Variants in ZNF131 observed in about 807,000 individuals in gnomAD.
ZNF131 encodes zinc finger and BTB domain containing 35.
In ZNF131, 7 loss-of-function variants were observed where a neutral mutation model predicts 60.0. The ratio of observed to expected loss-of-function variants is 0.12; its 90% CI spans 0.07 to 0.22. The LOEUF (loss-of-function observed/expected upper bound fraction) is 0.22. Ranked by LOEUF, ZNF131 falls within the 10% of genes least tolerant of loss-of-function variation. The pLI is 1.00. For synonymous variants in ZNF131, 257 were observed against 253.2 expected, an observed-to-expected ratio of 1.01 and a Z score of -0.14; for missense variants, 493 against 740.9, an observed-to-expected ratio of 0.67 and a Z score of 3.88.
intron 3 of ZNF131, chr5:43,123,800 T>C (rs1744168323): frequency 6.6e-6 from 1 of 152,486 alleles, no homozygotes; most frequent in Admixed American, 6.5e-5. Flanking sequence ...AAAAATGAAC[T>C]GAAGTAGCAT....
At chr5:43,162,083 T>G (rs1749753139) in intron 5 of ZNF131, 152 bp downstream of exon 5, 2 of 694,948 alleles carry the variant, frequency 2.9e-6, no homozygotes, top group Admixed American at 7.2e-5. Context: ...TAGTATTACC[T>G]GTTCAAATAT....
At chr5:43,122,246 C>CTTTTTTTT in intron 2 of ZNF131, 69 bp downstream of exon 2, 3 of 1,031,808 alleles carry the variant, frequency 2.9e-6, no homozygotes, top group Middle Eastern at 3.4e-4. Context: ...GGACACCCGC[C>CTTTTTTTT]TTTTTTTTTT....
intron 4 of ZNF131, among the ~76,000 whole-genome samples, chr5:43,147,409 T>TTTTA (rs145929026): frequency 0.062 from 9,338 of 151,058 alleles, 585 homozygotes; most frequent in African/African-American, 0.16. Flanking sequence ...TTTTATTTTA[T>TTTTA]TTTATTTATT....
intron 4 of ZNF131, among the ~76,000 whole-genome samples, chr5:43,150,437 A>C (rs1326598333): frequency 6.6e-6 from 1 of 152,154 alleles, no homozygotes; most frequent in Non-Finnish European, 1.5e-5. Context: ...CCTGGCTGGT[A>C]CTGAATTTTC....
chr5:43,158,359 G>A (rs765956373), intron 4 of ZNF131, among the ~76,000 whole-genome samples: 3 of 151,980 alleles, frequency 2.0e-5, no homozygotes, highest in Non-Finnish European at 2.9e-5. Flanking sequence ...GCACGATCTC[G>A]GTTCACCACA....
At chr5:43,168,527 G>GT (rs906990969) in intron 5 of ZNF131, among the ~76,000 whole-genome samples, 1 of 152,202 alleles carries the variant, frequency 6.6e-6, no homozygotes, top group Non-Finnish European at 1.5e-5. Context: ...CTAGAGTGGA[G>GT]TAAGGGTAAG....
chr5:43,170,141 A>G (rs183288748), intron 5 of ZNF131, among the ~76,000 whole-genome samples: 1 of 151,978 alleles, frequency 6.6e-6, no homozygotes, highest in Non-Finnish European at 1.5e-5. Context: ...CTCACTGATA[A>G]TGAAAAATTA....
At chr5:43,154,722 G>A (rs1748750930) in intron 4 of ZNF131, among the ~76,000 whole-genome samples, 1 of 152,244 alleles carries the variant, frequency 6.6e-6, no homozygotes, top group Non-Finnish European at 1.5e-5. Flanking sequence ...AATCTGGGCA[G>A]TGCAGGCTTG....
intron 1 of ZNF131, 128 bp downstream of exon 1, chr5:43,121,251 G>T (rs1743756047): frequency 6.5e-6 from 1 of 152,758 alleles, no homozygotes; most frequent in Non-Finnish European, 1.5e-5. Flanking sequence ...GGAAGTGTCC[G>T]CCCCTGGAGT....
In ZNF131 at chr5:43,175,240, A is replaced by G; in HGVS notation, c.*107A>G. 8.6e-7 allele frequency: 1 copy of G among 1,157,952 alleles called. No homozygotes were observed. The highest frequency in any genetic ancestry group is 1.2e-6 in the Non-Finnish European group (1 of 834,924). 71.7% of individuals were successfully genotyped at this position (1,157,952 alleles called of 1,614,324 possible). A position where few individuals can be genotyped will look rare whatever the true frequency, so the allele number is the denominator to read the frequency against. On this transcript the variant is annotated 3_prime_UTR_variant, in exon 7 of 7. Transcript: ENST00000682664. ...CTAACAGACAAGTGGACCAAAGTTAAGCTGTTTCCTGTTGTGCTGAACTGT... is the reference window on the plus strand; with the variant it reads ...CTAACAGACAAGTGGACCAAAGTTAGGCTGTTTCCTGTTGTGCTGAACTGT...
At chr5:43,137,798 T>C (rs936440389) in intron 3 of ZNF131, among the ~76,000 whole-genome samples, 3 of 152,216 alleles carry the variant, frequency 2.0e-5, no homozygotes, top group African/African-American at 7.2e-5. Context: ...TGCAGCACTA[T>C]TTACAGTAGC....
At chr5:43,142,599 C>T (rs71590635) in intron 4 of ZNF131, among the ~76,000 whole-genome samples, 14,702 of 151,936 alleles carry the variant, frequency 0.097, 841 homozygotes, top group East Asian at 0.19. Flanking sequence ...CCATGGCACC[C>T]GGCCAAAAAT....
At chr5:43,167,283 A>G (rs1204545778) in intron 5 of ZNF131, among the ~76,000 whole-genome samples, 2 of 152,240 alleles carry the variant, frequency 1.3e-5, no homozygotes, top group Non-Finnish European at 2.9e-5. Flanking sequence ...TGAGGTGAGT[A>G]CATGCTGTTG....
intron 4 of ZNF131, among the ~76,000 whole-genome samples, chr5:43,150,689 G>T (rs2111729595): frequency 6.6e-6 from 1 of 152,310 alleles, no homozygotes; most frequent in South Asian, 2.1e-4. Flanking sequence ...CTACTCAGGA[G>T]GCTGAGGCAG....
intron 4 of ZNF131, among the ~76,000 whole-genome samples, chr5:43,147,059 G>A (rs1327323799): frequency 6.6e-6 from 1 of 152,086 alleles, no homozygotes; most frequent in African/African-American, 2.4e-5. Context: ...TTTATCACTA[G>A]TTTTTCTATA....
At chr5:43,134,904 G>T (rs1445016273) in intron 3 of ZNF131, among the ~76,000 whole-genome samples, 1 of 151,280 alleles carries the variant, frequency 6.6e-6, no homozygotes, top group Non-Finnish European at 1.5e-5. Context: ...CACCATTTTG[G>T]CCAGGCTGGT....
intron 4 of ZNF131, among the ~76,000 whole-genome samples, chr5:43,151,309 T>C (rs944046003): frequency 1.3e-5 from 2 of 152,226 alleles, no homozygotes; most frequent in African/African-American, 2.4e-5. Flanking sequence ...AGCATCCCTT[T>C]GAGAATTTCT....
rs1579819112 is a variant in ZNF131 at position 43,150,029 on chromosome 5, G to A, written c.371+10720G>A. 3.3e-5 allele frequency among the ~76,000 whole-genome samples: 5 copies of A among 152,314 alleles called. 1 individual carries two copies. Among genetic ancestry groups the A allele is most frequent in the Admixed American group, 6.5e-5 (1 of 15,298 alleles). ...TTGATTACTTAGAGCAAAGAAAGCA[G>A]CATGAGTTCCATGTTTGTATCAGTG... On this transcript the variant is annotated intron_variant, in intron 4 of 6. Transcript: ENST00000682664.
intron 2 of ZNF131, 112 bp from the exon 3 acceptor site, chr5:43,123,097 G>A (rs1453403437): frequency 2.4e-5 from 17 of 710,222 alleles, no homozygotes; most frequent in African/African-American, 3.6e-5. Context: ...CTGTAGTTAC[G>A]TAATGAAGGA....
Sources: allele counts gnomAD v4.1 joint callset (sites outside exome capture counted in the v4.1 genomes callset), GRCh38; gene constraint gnomAD v4.1.1; transcripts MANE v1.5; gene names NCBI Gene and HGNC (gene_info 2026-07-23, HGNC 2026-07-21).